AP4E1: variants seen among roughly 807,000 people sequenced by gnomAD.
AP4E1 encodes AP-4 complex subunit epsilon-1.
In AP4E1, 56 loss-of-function variants were observed where a neutral mutation model predicts 128.2. The ratio of observed to expected loss-of-function variants is 0.44; its 90% CI spans 0.35 to 0.55. AP4E1 has a LOEUF of 0.55. Ranked by LOEUF, AP4E1 falls within the 20% of genes least tolerant of loss-of-function variation. AP4E1 has a pLI of 0.00. For missense variants in AP4E1, 1,324 were observed against 1,307.7 expected, an observed-to-expected ratio of 1.01 and a Z score of -0.19; for synonymous variants, 484 against 473.1, an observed-to-expected ratio of 1.02 and a Z score of -0.30.
At chr15:50,912,013 A>T in intron 1 of AP4E1, 65 bp from the exon 2 acceptor site, 1 of 1,216,544 alleles carries the variant, frequency 8.2e-7, no homozygotes, top group Non-Finnish European at 1.2e-6. Context: ...TTTTCCGTTT[A>T]GATAAATGCT....
chr15:50,945,364 G>T (rs1334042486), intron 10 of AP4E1: 5 of 779,462 alleles, frequency 6.4e-6, no homozygotes, highest in Middle Eastern at 4.9e-4. Flanking sequence ...TTTGAAAAAG[G>T]TTATATTAGA....
intron 13 of AP4E1, among the ~76,000 whole-genome samples, chr15:50,954,496 A>T (rs2064190480): frequency 6.6e-6 from 1 of 151,958 alleles, no homozygotes; most frequent in South Asian, 2.1e-4. Context: ...CCCCCTTGGG[A>T]CTTATCTTTG....
intron 16 of AP4E1, among the ~76,000 whole-genome samples, chr15:50,992,621 G>A (rs2064821132): frequency 2.0e-5 from 3 of 152,100 alleles, no homozygotes; most frequent in African/African-American, 7.2e-5. Flanking sequence ...TTTTGGGTAG[G>A]ACACCTGGCT....
chr15:50,909,607 GTC>G (rs1245673744), intron 1 of AP4E1, among the ~76,000 whole-genome samples: 3 of 152,370 alleles, frequency 2.0e-5, no homozygotes, highest in Admixed American at 6.5e-5. Flanking sequence ...TATTGACGGA[GTC>G]TCTCTCTGTC....
chr15:51,002,476 C>T, intron 20 of AP4E1, 26 bp from the exon 21 acceptor site: 1 of 1,612,960 alleles, frequency 6.2e-7, no homozygotes, highest in Non-Finnish European at 8.5e-7. Context: ...TGCATTAAAT[C>T]ATTTTTCACT....
chr15:50,979,862 A>G (rs1327551042), intron 15 of AP4E1, among the ~76,000 whole-genome samples: 1 of 152,346 alleles, frequency 6.6e-6, no homozygotes, highest in Non-Finnish European at 1.5e-5. Context: ...TGTTATAGCA[A>G]CATAAAATGG....
rs764904520 is a variant in AP4E1 at position 50,997,374 on chromosome 15, G to A, written c.2395G>A (p.Val799Ile). The A allele has an allele frequency of 9.4e-6, 15 of 1,604,108 alleles. No individual in the cohort carries two copies. The highest frequency in any genetic ancestry group is 1.7e-5 in the Admixed American group (1 of 57,658). Residue 799 changes from valine to isoleucine, a missense_variant, in exon 18 of 21, where the codon GTC (valine) becomes ATC (isoleucine). By Grantham distance (29) the Val-to-Ile change is conservative. Transcript: ENST00000261842. The part of the protein sequence containing the change: ...VSHKFRRKSK[V>I]KEAKSGETTS... ...TCACAAGTTCAGAAGGAAATCAAAAGTCAAAGAAGCTAAAAGTGGCGAAAC... is the reference window on the plus strand; with the variant it reads ...TCACAAGTTCAGAAGGAAATCAAAAATCAAAGAAGCTAAAAGTGGCGAAAC...
Position 51,005,865 on chromosome 15 carries a change from C to T in AP4E1, c.*3203C>T, listed in dbSNP as rs2065011802. 1 of 152,308 alleles carries T rather than the reference C, an allele frequency of 6.6e-6. No homozygotes were observed. The highest frequency in any genetic ancestry group is 6.6e-5 in the Admixed American group (1 of 15,264). 9.4% of individuals were successfully genotyped at this position (152,308 alleles called of 1,614,324 possible). A position where few individuals can be genotyped will look rare whatever the true frequency, so the allele number is the denominator to read the frequency against. ...TTGAATTCTGTCATTTGAAAAAGTT[C>T]AGTAATGTAATAAATACAAAGTGAT... On this transcript the variant is annotated 3_prime_UTR_variant, in exon 21 of 21. Coordinates refer to ENST00000261842, the MANE Select transcript of AP4E1 (RefSeq NM_007347.5).
intron 20 of AP4E1, among the ~76,000 whole-genome samples, chr15:51,001,412 A>G (rs767525353): frequency 3.3e-5 from 5 of 152,234 alleles, no homozygotes; most frequent in Non-Finnish European, 7.3e-5. Context: ...AAGTGGCATT[A>G]AGTGTATTTA....
chr15:50,944,923 A>T, intron 10 of AP4E1: 1 of 801,450 alleles, frequency 1.2e-6, no homozygotes, highest in Non-Finnish European at 2.2e-6. Flanking sequence ...GGGGCGTGTG[A>T]TGGAGAGGTT....
intron 10 of AP4E1, among the ~76,000 whole-genome samples, chr15:50,947,083 G>A (rs1478840198): frequency 6.6e-6 from 1 of 151,690 alleles, no homozygotes; most frequent in Admixed American, 6.6e-5. Context: ...GCTACAGAGT[G>A]AGACTCCATC....
chr15:50,935,106 A>G (rs1259928059), intron 8 of AP4E1, among the ~76,000 whole-genome samples: 3 of 152,100 alleles, frequency 2.0e-5, no homozygotes, highest in Non-Finnish European at 4.4e-5. Context: ...GTCAGTCCCT[A>G]TGCAAGGTAC....
Position 50,946,136 on chromosome 15 carries a change from C to G in AP4E1, c.1177-1884C>G, listed in dbSNP as rs2064058914. ...AGAGCTTTATTGTTGCTCCTTTTAG[C>G]TACCCTGAAAAATGCCTAGTTGATA... On this transcript the variant is annotated intron_variant, in intron 10 of 20. Transcript: ENST00000261842. 6 of 526,696 alleles carry G rather than the reference C, an allele frequency of 1.1e-5. No homozygotes were observed. The Admixed American group carries it at 1.1e-4, about 10-fold the overall frequency. The allele number at this position is 526,696 out of a possible 1,614,324, so 32.6% of individuals were successfully genotyped here.
intron 14 of AP4E1, among the ~76,000 whole-genome samples, chr15:50,962,846 A>G (rs2064334080): frequency 6.9e-6 from 1 of 145,710 alleles, no homozygotes; most frequent in South Asian, 2.2e-4. Flanking sequence ...ATTTACAAAC[A>G]AGGGACTAAT....
intron 10 of AP4E1, chr15:50,945,588 T>C: frequency 1.3e-6 from 1 of 748,084 alleles, no homozygotes. Context: ...TTTGTATCTT[T>C]CCTATAGACA....
intron 3 of AP4E1, among the ~76,000 whole-genome samples, chr15:50,918,910 T>G (rs889675310): frequency 4.6e-5 from 7 of 152,174 alleles, no homozygotes; most frequent in East Asian, 1.9e-4. Flanking sequence ...TTTGATTTTT[T>G]TTTTTGTTGT....
chr15:50,950,700 T>C (rs1218906587), intron 13 of AP4E1, among the ~76,000 whole-genome samples: 2 of 152,172 alleles, frequency 1.3e-5, no homozygotes, highest in African/African-American at 2.4e-5. Context: ...TGTTTTTTGC[T>C]GCACCTATTA....
At chr15:50,974,852 T>A (rs2064530954) in intron 15 of AP4E1, among the ~76,000 whole-genome samples, 3 of 152,074 alleles carry the variant, frequency 2.0e-5, no homozygotes. Flanking sequence ...TATTGGCCTA[T>A]TTGTGATCAG....
intron 13 of AP4E1, among the ~76,000 whole-genome samples, chr15:50,957,476 A>G (rs1321817057): frequency 1.3e-5 from 2 of 152,040 alleles, no homozygotes; most frequent in Non-Finnish European, 2.9e-5. Context: ...GGAAAAGGCA[A>G]CATTTGAATG....
Sources: gnomAD v4.1 joint callset for allele counts (sites outside exome capture counted in the v4.1 genomes callset) on GRCh38, gnomAD v4.1.1 for gene constraint, MANE v1.5 for transcripts, NCBI Gene and HGNC (gene_info 2026-07-23, HGNC 2026-07-21) for gene names.